Variants in PARVA observed in about 807,000 individuals in gnomAD.
The protein encoded by PARVA is alpha-parvin.
In PARVA, 25 loss-of-function variants were observed where a neutral mutation model predicts 52.6. That is an observed-to-expected ratio of 0.48 (90% CI 0.35 to 0.66). The LOEUF (loss-of-function observed/expected upper bound fraction) is 0.66, where lower values mean the gene tolerates loss of function less well. PARVA is among the 30% of genes least tolerant of loss of function. The probability of loss-of-function intolerance (pLI) is 0.01; values close to 1 mark genes in which losing one functional copy is unlikely to be tolerated. For synonymous variants in PARVA, 185 were observed against 179.1 expected, an observed-to-expected ratio of 1.03 and a Z score of -0.26; for missense variants, 373 against 450.9, an observed-to-expected ratio of 0.83 and a Z score of 1.56.
intron 5 of PARVA, among the ~76,000 whole-genome samples, chr11:12,502,793 G>GT (rs1215692406): frequency 6.9e-6 from 1 of 145,534 alleles, no homozygotes. Context: ...CCACTCTAGT[G>GT]TAACTATTTT....
intron 1 of PARVA, among the ~76,000 whole-genome samples, chr11:12,390,243 T>C (rs1037175030): frequency 6.6e-6 from 1 of 152,200 alleles, no homozygotes; most frequent in African/African-American, 2.4e-5. Flanking sequence ...CTGAAAGCAT[T>C]TTCTGTCTTG....
chr11:12,379,479 T>C (rs1399580789), intron 1 of PARVA, among the ~76,000 whole-genome samples: 1 of 152,220 alleles, frequency 6.6e-6, no homozygotes, highest in Non-Finnish European at 1.5e-5. Flanking sequence ...ATACAAGAGG[T>C]TATTGTAAAA....
At chr11:12,464,150 G>A (rs1326218627) in intron 1 of PARVA, among the ~76,000 whole-genome samples, 1 of 152,152 alleles carries the variant, frequency 6.6e-6, no homozygotes, top group African/African-American at 2.4e-5. Flanking sequence ...TGCTACTGGA[G>A]TACTGATGCA....
rs973370151 is a variant in PARVA at position 12,526,720 on chromosome 11, T to C, written c.1043-1129T>C. ...TTTGCCTTGTTTTTGCTTTTCTTTA[T>C]AATTTTATTACCTAAGTATGCATTC... On this transcript the variant is annotated intron_variant, in intron 12 of 12. Coordinates refer to ENST00000334956, the MANE Select transcript of PARVA (RefSeq NM_018222.5). Among the ~76,000 whole-genome samples the C allele has an allele frequency of 8.5e-5, 13 of 152,220 alleles. 1 individual carries two copies. The highest frequency in any genetic ancestry group is 1.9e-4 in the Non-Finnish European group (13 of 68,044).
At chr11:12,481,821 T>C (rs983173545) in intron 4 of PARVA, among the ~76,000 whole-genome samples, 1 of 151,992 alleles carries the variant, frequency 6.6e-6, no homozygotes, top group East Asian at 1.9e-4. Context: ...TAGAAGATGA[T>C]GGAAATGGCA....
rs147275120 is a variant in PARVA at position 12,409,526 on chromosome 11, T to C, written c.136+31743T>C. Among the ~76,000 whole-genome samples, 52 of 152,134 alleles carry C rather than the reference T, an allele frequency of 3.4e-4. No homozygotes were observed. The Middle Eastern group carries it at 0.01, about 30-fold the overall frequency. On this transcript the variant is annotated intron_variant, in intron 1 of 12. Coordinates refer to ENST00000334956, the MANE Select transcript of PARVA (RefSeq NM_018222.5). ...ATGTGATCACAAGTGTCCTTAAAAG[T>C]GGAAGAGAGGACAGAAGAAAGAGTC...
intron 1 of PARVA, among the ~76,000 whole-genome samples, chr11:12,387,150 C>T (rs559150494): frequency 2.0e-5 from 3 of 152,248 alleles, no homozygotes; most frequent in African/African-American, 4.8e-5. Context: ...GCCCTACAAT[C>T]ATTTCAAAAA....
At chr11:12,457,490 G>C (rs909955984) in intron 1 of PARVA, among the ~76,000 whole-genome samples, 1 of 152,196 alleles carries the variant, frequency 6.6e-6, no homozygotes, top group Admixed American at 6.5e-5. Flanking sequence ...CTCAGAACCA[G>C]CACTTGCTCA....
intron 12 of PARVA, among the ~76,000 whole-genome samples, chr11:12,526,390 A>G (rs10741593): frequency 0.65 from 98,182 of 151,916 alleles, 31,748 homozygotes; most frequent in Middle Eastern, 0.76. Context: ...AATTTCTCCC[A>G]TCTTTGAATC....
chr11:12,455,646 T>A (rs1226006743), intron 1 of PARVA, among the ~76,000 whole-genome samples: 1 of 152,208 alleles, frequency 6.6e-6, no homozygotes, highest in Non-Finnish European at 1.5e-5. Flanking sequence ...TATTTTTAGA[T>A]CTAAAATCAG....
chr11:12,514,097 AG>A (rs752787123), intron 10 of PARVA, 32 bp downstream of exon 10: 2 of 1,566,584 alleles, frequency 1.3e-6, no homozygotes, highest in Admixed American at 1.7e-5. Context: ...AGGTAGAGGC[AG>A]GGCCCTGCCC....
intron 10 of PARVA, among the ~76,000 whole-genome samples, chr11:12,517,378 T>C (rs987035638): frequency 1.5e-4 from 20 of 137,098 alleles, no homozygotes; most frequent in South Asian, 2.5e-4. Context: ...CAGCCTCTGT[T>C]CAGTAAATGC....
intron 4 of PARVA, among the ~76,000 whole-genome samples, chr11:12,486,447 C>T (rs899970337): frequency 5.9e-5 from 9 of 152,170 alleles, no homozygotes; most frequent in East Asian, 3.9e-4. Flanking sequence ...GCAGGAGAAT[C>T]GCTTGAACTC....
chr11:12,421,526 A>G (rs1387716358), intron 1 of PARVA, among the ~76,000 whole-genome samples: 2 of 152,192 alleles, frequency 1.3e-5, no homozygotes, highest in Non-Finnish European at 2.9e-5. Context: ...GTTTTGCTGA[A>G]GTGGACTTCA....
intron 1 of PARVA, among the ~76,000 whole-genome samples, chr11:12,459,702 TTA>T (rs1940749748): frequency 6.6e-6 from 1 of 152,186 alleles, no homozygotes; most frequent in Non-Finnish European, 1.5e-5. Flanking sequence ...TATAACAAGA[TTA>T]TATGACATGA....
In PARVA at chr11:12,528,173, C is replaced by T. The variant is rs1282950545; in HGVS notation, c.*248C>T. ...AAGGTTGGGAAGGTTGTTCCCTTCC[C>T]GGTGCCAGGTCCAGATTTCCCTCCA... On this transcript the variant is annotated 3_prime_UTR_variant, in exon 13 of 13. Coordinates refer to ENST00000334956, the MANE Select transcript of PARVA (RefSeq NM_018222.5). The T allele has an allele frequency of 9.9e-6, 5 of 504,894 alleles. No homozygotes were observed. Among genetic ancestry groups the T allele is most frequent in the South Asian group, 6.6e-5 (2 of 30,078 alleles). 31.3% of individuals were successfully genotyped at this position (504,894 alleles called of 1,614,324 possible).
At chr11:12,388,357 G>C (rs1939608722) in intron 1 of PARVA, among the ~76,000 whole-genome samples, 1 of 152,234 alleles carries the variant, frequency 6.6e-6, no homozygotes, top group African/African-American at 2.4e-5. Flanking sequence ...GCCTGCCAAA[G>C]CCTTAGTAAA....
chr11:12,492,881 C>G (rs1941250236), intron 4 of PARVA, among the ~76,000 whole-genome samples: 1 of 151,906 alleles, frequency 6.6e-6, no homozygotes, highest in Non-Finnish European at 1.5e-5. Flanking sequence ...ATTACAAATA[C>G]AGAAAATGTG....
chr11:12,384,939 G>A lies in PARVA; in HGVS notation c.136+7156G>A, dbSNP rs140810288. ...GGAAGACTTTGTGCAGAGGAATGGC[G>A]TGATCTCACTTCTGTTTTAACTGAT... On this transcript the variant is annotated intron_variant, in intron 1 of 12. Coordinates refer to ENST00000334956, the MANE Select transcript of PARVA (RefSeq NM_018222.5). 3.3e-4 allele frequency among the ~76,000 whole-genome samples: 51 copies of A among 152,266 alleles called. No individual in the cohort carries two copies. The East Asian group carries it at 8.9e-3, about 27-fold the overall frequency.
Sources: gnomAD v4.1 joint callset for allele counts (sites outside exome capture counted in the v4.1 genomes callset) on GRCh38, gnomAD v4.1.1 for gene constraint, MANE v1.5 for transcripts, NCBI Gene and HGNC (gene_info 2026-07-23, HGNC 2026-07-21) for gene names.